Variants in ST3GAL3 observed in about 807,000 individuals in gnomAD.
ST3GAL3 encodes ST3 beta-galactoside alpha-2,3-sialyltransferase 3.
Under a neutral mutation model 50.1 loss-of-function variants are expected in ST3GAL3, and 21 were observed. The observed-to-expected ratio is 0.42, with a 90% CI of 0.30 to 0.60. The LOEUF (loss-of-function observed/expected upper bound fraction) is 0.60. ST3GAL3 is among the 20% of genes least tolerant of loss of function. ST3GAL3 has a pLI of 0.19. For synonymous variants in ST3GAL3, 183 were observed against 190.0 expected (o/e 0.96, Z 0.30); for missense variants, 353 against 489.4 (o/e 0.72, Z 2.63).
intron 2 of ST3GAL3, among the ~76,000 whole-genome samples, chr1:43,740,253 C>G (rs911648073): frequency 6.6e-6 from 1 of 150,556 alleles, no homozygotes; most frequent in Non-Finnish European, 1.5e-5. Context: ...GTCCCAGCTA[C>G]TTGGGAGGCT....
At chr1:43,921,506 C>T in intron 11 of ST3GAL3, 1 of 400,750 alleles carries the variant, frequency 2.5e-6, no homozygotes, top group Non-Finnish European at 4.4e-6. Context: ...CTGCTTTGAC[C>T]ACCAGCCTTC....
intron 2 of ST3GAL3, among the ~76,000 whole-genome samples, chr1:43,761,202 C>T (rs1016895758): frequency 6.6e-6 from 1 of 152,240 alleles, no homozygotes. Flanking sequence ...GTTTTGGGAG[C>T]CTGGGAATTC....
chr1:43,846,650 C>T (rs1157479753), intron 5 of ST3GAL3, among the ~76,000 whole-genome samples: 3 of 152,152 alleles, frequency 2.0e-5, no homozygotes, highest in Non-Finnish European at 4.4e-5. Flanking sequence ...AAACACATGT[C>T]ACCGTACCCA....
At chr1:43,782,245 A>G (rs1327393162) in intron 2 of ST3GAL3, among the ~76,000 whole-genome samples, 1 of 152,082 alleles carries the variant, frequency 6.6e-6, no homozygotes, top group African/African-American at 2.4e-5. Context: ...TCACCATCCC[A>G]CATCCGATCA....
At position 43,930,777 on chromosome 1, in the gene ST3GAL3, CTGTT is replaced by C. The variant is rs1047226679; in HGVS notation, c.*559_*562del. On this transcript the variant is annotated 3_prime_UTR_variant, in exon 12 of 12. Coordinates refer to ENST00000347631, the MANE Select transcript of ST3GAL3 (RefSeq NM_006279.5). Reference sequence around the variant, plus strand: ...AGCCAGCCCCCTCCAGCTCATGACACTGTTTGGCCTTTCTTGGGGAGAAGGCGGG... The same window carrying C: ...AGCCAGCCCCCTCCAGCTCATGACACTGGCCTTTCTTGGGGAGAAGGCGGG... The C allele has an allele frequency of 4.0e-5, 8 of 202,268 alleles. No homozygotes were observed. Among genetic ancestry groups the C allele is most frequent in the Admixed American group, 2.1e-4 (4 of 18,914 alleles). The allele number at this position is 202,268 out of a possible 1,614,324, so 12.5% of individuals were successfully genotyped here. A position where few individuals can be genotyped will look rare whatever the true frequency, so the allele number is the denominator to read the frequency against.
intron 5 of ST3GAL3, among the ~76,000 whole-genome samples, chr1:43,857,503 CTT>C (rs1312433721): frequency 8.8e-5 from 10 of 113,440 alleles, no homozygotes; most frequent in Non-Finnish European, 1.2e-4. Flanking sequence ...TTCCTTCCCT[CTT>C]CCTTCCTTCC....
chr1:43,869,816 C>T (rs1021127746), intron 5 of ST3GAL3, among the ~76,000 whole-genome samples: 1 of 152,158 alleles, frequency 6.6e-6, no homozygotes, highest in African/African-American at 2.4e-5. Flanking sequence ...CCATTCTGTT[C>T]TTGTCTAAGC....
chr1:43,901,905 T>C (rs2078338774), intron 9 of ST3GAL3, among the ~76,000 whole-genome samples: 1 of 152,168 alleles, frequency 6.6e-6, no homozygotes, highest in Admixed American at 6.5e-5. Context: ...ACCTTTAGAG[T>C]GAGCTGCCAG....
chr1:43,805,103 G>A (rs1415131723), intron 3 of ST3GAL3, among the ~76,000 whole-genome samples: 1 of 152,142 alleles, frequency 6.6e-6, no homozygotes, highest in African/African-American at 2.4e-5. Flanking sequence ...AAAACTGACT[G>A]GGGATAACTG....
At chr1:43,895,777 G>T (rs2077304042) in intron 6 of ST3GAL3, among the ~76,000 whole-genome samples, 1 of 152,070 alleles carries the variant, frequency 6.6e-6, no homozygotes, top group East Asian at 1.9e-4. Context: ...TTTTCCCTGG[G>T]TGCAGGCAGC....
At chr1:43,886,114 C>G in intron 5 of ST3GAL3, among the ~76,000 whole-genome samples, 1 of 152,240 alleles carries the variant, frequency 6.6e-6, no homozygotes, top group Non-Finnish European at 1.5e-5. Flanking sequence ...GGTGCAGTGG[C>G]TCATGCCTGT....
intron 2 of ST3GAL3, among the ~76,000 whole-genome samples, chr1:43,783,797 TC>T (rs1700108973): frequency 6.6e-6 from 1 of 152,116 alleles, no homozygotes; most frequent in Non-Finnish European, 1.5e-5. Context: ...CTCCCAGACT[TC>T]CTGATGTCCC....
intron 9 of ST3GAL3, among the ~76,000 whole-genome samples, chr1:43,900,336 A>G (rs146892220): frequency 2.4e-4 from 36 of 152,296 alleles, no homozygotes; most frequent in African/African-American, 8.2e-4. Context: ...GAGTCTGATC[A>G]TTGGGAATGA....
chr1:43,805,739 T>A (rs539325526), intron 3 of ST3GAL3, among the ~76,000 whole-genome samples: 1 of 152,244 alleles, frequency 6.6e-6, no homozygotes, highest in Admixed American at 6.5e-5. Context: ...GCTCTTCTTT[T>A]TTTTCTTTTC....
At chr1:43,765,784 T>TGCGCGC (rs67184106) in intron 2 of ST3GAL3, among the ~76,000 whole-genome samples, 1 of 136,880 alleles carries the variant, frequency 7.3e-6, no homozygotes, top group African/African-American at 3.0e-5. Flanking sequence ...TGTGTGTGTG[T>TGCGCGC]GCGCGCGCGC....
At chr1:43,877,245 G>A (rs1207007246) in intron 5 of ST3GAL3, among the ~76,000 whole-genome samples, 1 of 152,164 alleles carries the variant, frequency 6.6e-6, no homozygotes, top group African/African-American at 2.4e-5. Flanking sequence ...AGGACTAAGG[G>A]GGACCTGCAT....
intron 4 of ST3GAL3, among the ~76,000 whole-genome samples, chr1:43,825,408 A>G (rs1426358387): frequency 6.6e-6 from 1 of 152,088 alleles, no homozygotes; most frequent in African/African-American, 2.4e-5. Context: ...TTGGTTACCA[A>G]TTTTTTCTCT....
chr1:43,848,294 CTTTTTT>C (rs58438507), intron 5 of ST3GAL3, among the ~76,000 whole-genome samples: 1 of 70,390 alleles, frequency 1.4e-5, no homozygotes, highest in Non-Finnish European at 2.5e-5. Context: ...TTGTGGTTTT[CTTTTTT>C]TTTTTTTTTT....
At chr1:43,784,509 A>T (rs963267648) in intron 2 of ST3GAL3, among the ~76,000 whole-genome samples, 3 of 152,168 alleles carry the variant, frequency 2.0e-5, no homozygotes, top group Non-Finnish European at 2.9e-5. Flanking sequence ...ACTCTGTCTC[A>T]AAATAAATAA....
Sources: gnomAD v4.1 joint callset for allele counts (sites outside exome capture counted in the v4.1 genomes callset) on GRCh38, gnomAD v4.1.1 for gene constraint, MANE v1.5 for transcripts, NCBI Gene and HGNC (gene_info 2026-07-23, HGNC 2026-07-21) for gene names.